The following FKBP3 variants were observed in gnomAD, a reference collection of about 807,000 sequenced individuals.
FKBP3 encodes the protein peptidyl-prolyl cis-trans isomerase FKBP3.
In FKBP3, 21 loss-of-function variants were observed where a neutral mutation model predicts 30.6. The ratio of observed to expected loss-of-function variants is 0.69; its 90% CI spans 0.49 to 0.99. The LOEUF (loss-of-function observed/expected upper bound fraction) is 0.99. Ranked by LOEUF, FKBP3 falls within the 50% of genes least tolerant of loss-of-function variation. The pLI, the probability that FKBP3 is intolerant of heterozygous loss-of-function variation, is 0.00. For synonymous variants in FKBP3, 82 were observed against 91.3 expected, an observed-to-expected ratio of 0.90 and a Z score of 0.58; for missense variants, 283 against 261.6, an observed-to-expected ratio of 1.08 and a Z score of -0.56.
At position 45,121,471 on chromosome 14, in the gene FKBP3, C is replaced by A. The variant is rs746335530; in HGVS notation, c.454+14G>T. The A allele has an allele frequency of 6.2e-7, 1 of 1,604,992 alleles. No homozygotes were observed. Reference sequence around the variant, plus strand: ...CTCTTTAAGCCAAAAACATAAGATTCCATTTAGACTTACTTGTTTGAATAT... The same window carrying A: ...CTCTTTAAGCCAAAAACATAAGATTACATTTAGACTTACTTGTTTGAATAT... On this transcript the variant is annotated intron_variant, in intron 4 of 6. Coordinates refer to ENST00000396062, the MANE Select transcript of FKBP3 (RefSeq NM_002013.4).
At chr14:45,129,687 G>GC in intron 3 of FKBP3, 107 bp downstream of exon 3, 1 of 620,174 alleles carries the variant, frequency 1.6e-6, no homozygotes, top group Non-Finnish European at 2.6e-6. Context: ...ATTGAAAGTG[G>GC]TCGTATTCAA....
At position 45,134,343 on chromosome 14, in the gene FKBP3, TG is replaced by T. The variant is rs1425107877; in HGVS notation, c.108+5del. 3 of 1,611,364 alleles carry T rather than the reference TG, an allele frequency of 1.9e-6. No individual in the cohort carries two copies. The highest frequency in any genetic ancestry group is 2.5e-6 in the Non-Finnish European group (3 of 1,177,936). ...ACCAGCCCGGCCGCCCCTACGCCTCTGGTACCGAATCTGAACCGTGTTCCTG... is the reference window on the plus strand; with the variant it reads ...ACCAGCCCGGCCGCCCCTACGCCTCTGTACCGAATCTGAACCGTGTTCCTG... On this transcript the variant is annotated splice_donor_5th_base_variant and intron_variant, in intron 1 of 6. Transcript: ENST00000396062.
rs372716259 is a variant in FKBP3, at chr14:45,128,405, T to C, written c.318+1389A>G. ...ATTTGTGAGAAAATGTCAAATACTT[T>C]ATGTGAGCAATGAGCAATGTGATGG... On this transcript the variant is annotated intron_variant, in intron 3 of 6. Transcript: ENST00000396062. 1.4e-4 allele frequency among the ~76,000 whole-genome samples: 21 copies of C among 152,278 alleles called. No individual in the cohort carries two copies. The East Asian group carries it at 3.7e-3, about 27-fold the overall frequency.
intron 3 of FKBP3, among the ~76,000 whole-genome samples, chr14:45,128,200 G>A (rs984614718): frequency 2.6e-5 from 4 of 152,218 alleles, no homozygotes; most frequent in Non-Finnish European, 5.9e-5. Context: ...AGCTGGGCAT[G>A]GTGGCGCCTG....
intron 5 of FKBP3, among the ~76,000 whole-genome samples, chr14:45,120,123 A>G (rs1036670023): frequency 6.6e-6 from 1 of 152,220 alleles, no homozygotes; most frequent in Non-Finnish European, 1.5e-5. Flanking sequence ...GAAGGTTCCT[A>G]TAACTGCATT....
chr14:45,116,986 C>A (rs999746774), intron 6 of FKBP3, among the ~76,000 whole-genome samples: 5 of 151,954 alleles, frequency 3.3e-5, no homozygotes, highest in Admixed American at 2.6e-4. Flanking sequence ...CCGCCCCCCC[C>A]ACCGAGACAG....
At chr14:45,129,234 A>G (rs1226643668) in intron 3 of FKBP3, among the ~76,000 whole-genome samples, 1 of 152,228 alleles carries the variant, frequency 6.6e-6, no homozygotes, top group Non-Finnish European at 1.5e-5. Flanking sequence ...ACAAGATTAT[A>G]ATCAATTCAG....
chr14:45,121,401 G>C (rs770362539), intron 4 of FKBP3, 84 bp downstream of exon 4: 55 of 1,120,156 alleles, frequency 4.9e-5, no homozygotes, highest in Middle Eastern at 3.0e-4. Context: ...TCAGGAAAAA[G>C]GTACTGCTAA....
At chr14:45,127,852 G>A (rs1405403201) in intron 3 of FKBP3, among the ~76,000 whole-genome samples, 1 of 152,162 alleles carries the variant, frequency 6.6e-6, no homozygotes, top group Non-Finnish European at 1.5e-5. Context: ...ATGAGGCCTT[G>A]CTTCGAATGC....
rs565785422 is a variant in FKBP3 at position 45,126,591 on chromosome 14, G to C, written c.318+3203C>G. Among the ~76,000 whole-genome samples, 14 of 152,192 alleles carry C rather than the reference G, an allele frequency of 9.2e-5. No individual in the cohort carries two copies. In the South Asian group the frequency reaches 2.9e-3, roughly 32 times the overall value. On this transcript the variant is annotated intron_variant, in intron 3 of 6. Transcript: ENST00000396062. Reference sequence around the variant, plus strand: ...TTGAATGCCAAGAATAAGAAATTTGGATATATATTGAAGACCAGTGGTGAC... The same window carrying C: ...TTGAATGCCAAGAATAAGAAATTTGCATATATATTGAAGACCAGTGGTGAC...
intron 5 of FKBP3, among the ~76,000 whole-genome samples, chr14:45,119,000 G>A (rs956122837): frequency 1.3e-5 from 2 of 152,100 alleles, no homozygotes; most frequent in Admixed American, 6.6e-5. Flanking sequence ...GGGATTACAG[G>A]CATGCCCAGC....
In FKBP3 at chr14:45,122,921, G is replaced by A. The variant is rs145650722; in HGVS notation, c.319-1301C>T. On this transcript the variant is annotated intron_variant, in intron 3 of 6. Coordinates refer to ENST00000396062, the MANE Select transcript of FKBP3 (RefSeq NM_002013.4). ...AAGTAAAAATATCTGTGCTGGGTGC[G>A]GTGGCTCACACCTGTAATCTCAGCA... 5.9e-5 allele frequency among the ~76,000 whole-genome samples: 9 copies of A among 151,832 alleles called. No individual in the cohort carries two copies. The East Asian group carries it at 7.8e-4, about 13-fold the overall frequency.
intron 5 of FKBP3, among the ~76,000 whole-genome samples, chr14:45,118,658 A>G (rs1427569642): frequency 6.6e-6 from 1 of 152,056 alleles, no homozygotes; most frequent in East Asian, 1.9e-4. Context: ...ACAAAAAAAA[A>G]ACTTTTTGTA....
intron 6 of FKBP3, 42 bp downstream of exon 6, chr14:45,117,983 GTTT>G: frequency 1.9e-6 from 2 of 1,053,602 alleles, no homozygotes; most frequent in South Asian, 1.6e-5. Context: ...TGATCTAGAC[GTTT>G]TTTTTTTTTC....
intron 5 of FKBP3, among the ~76,000 whole-genome samples, chr14:45,119,334 C>G (rs1215725133): frequency 2.6e-5 from 4 of 152,112 alleles, no homozygotes; most frequent in South Asian, 4.1e-4. Context: ...CTTTGGGAGG[C>G]TGAAGATGAA....
intron 3 of FKBP3, among the ~76,000 whole-genome samples, chr14:45,124,555 A>T (rs1044661850): frequency 1.7e-4 from 25 of 150,184 alleles, no homozygotes; most frequent in East Asian, 9.8e-4. Context: ...ATATATATAT[A>T]TTTTTTTTTC....
Position 45,122,477 on chromosome 14 carries a change from G to C in FKBP3, c.319-857C>G, listed in dbSNP as rs557346935. Among the ~76,000 whole-genome samples, 175 of 152,172 alleles carry C rather than the reference G, an allele frequency of 1.2e-3. 1 individual carries two copies. Among genetic ancestry groups the C allele is most frequent in the African/African-American group, 4.0e-3 (167 of 41,544 alleles). On this transcript the variant is annotated intron_variant, in intron 3 of 6. Coordinates refer to ENST00000396062, the MANE Select transcript of FKBP3 (RefSeq NM_002013.4). ...TAGTTCCTGAGTTTGAAAAGCAAGA[G>C]AAAAGTGTTTTCTTTATTCCTGACC...
chr14:45,124,509 G>A (rs997440001), intron 3 of FKBP3, among the ~76,000 whole-genome samples: 3 of 151,802 alleles, frequency 2.0e-5, no homozygotes, highest in African/African-American at 7.3e-5. Context: ...TCCAGCCTGG[G>A]TGACAAGAGT....
chr14:45,120,462 G>A (rs1884960365), intron 5 of FKBP3, among the ~76,000 whole-genome samples: 2 of 152,118 alleles, frequency 1.3e-5, no homozygotes, highest in South Asian at 4.1e-4. Flanking sequence ...ATACTTCAGT[G>A]GGACAGATAT....
Sources: gnomAD v4.1 joint callset for allele counts (sites outside exome capture counted in the v4.1 genomes callset) on GRCh38, gnomAD v4.1.1 for gene constraint, MANE v1.5 for transcripts, NCBI Gene and HGNC (gene_info 2026-07-23, HGNC 2026-07-21) for gene names.